GTPBP8: variants seen among roughly 807,000 people sequenced by gnomAD.
GTPBP8 encodes the protein GTP-binding protein 8.
In GTPBP8, 21 loss-of-function variants were observed where a neutral mutation model predicts 27.3. The ratio of observed to expected loss-of-function variants is 0.77; its 90% confidence interval spans 0.55 to 1.11. The LOEUF (loss-of-function observed/expected upper bound fraction) is 1.11. Among genes scored for constraint, GTPBP8 ranks in the 50% least tolerant of loss-of-function variants. The probability of loss-of-function intolerance (pLI) is 0.00; values close to 1 mark genes in which losing one functional copy is unlikely to be tolerated. For missense variants in GTPBP8, 380 were observed against 350.8 expected (o/e 1.08, Z -0.67); for synonymous variants, 147 against 135.3 (o/e 1.09, Z -0.60).
At chr3:112,991,877 G>T in intron 1 of GTPBP8, 1 of 242,024 alleles carries the variant, frequency 4.1e-6, no homozygotes, top group Non-Finnish European at 8.3e-6. Context: ...ATCTCTAGAT[G>T]GCAATAATGT....
At chr3:112,999,050 C>CA (rs1258124089) in intron 4 of GTPBP8, among the ~76,000 whole-genome samples, 2 of 151,924 alleles carry the variant, frequency 1.3e-5, no homozygotes, top group Non-Finnish European at 2.9e-5. Context: ...GAGTATAGGT[C>CA]AAAAAATGAT....
In GTPBP8 at chr3:112,991,011, C is replaced by A. The variant is rs200050697; in HGVS notation, c.12C>A (p.Pro4=). The A allele has an allele frequency of 6.9e-5, 110 of 1,593,158 alleles. No homozygotes were observed. The highest frequency in any genetic ancestry group is 9.4e-5 in the Non-Finnish European group (110 of 1,166,406). MAA[P]GLRLGAGRLF... ...TCTGGGAAGGGAGAATGGCGGCGCC[C>A]GGGCTGCGGCTGGGAGCGGGAAGAC... The change falls in exon 1 of 6, where the codon CCC becomes CCA. Residue 4 remains proline (P), a synonymous_variant. Transcript: ENST00000383678.
intron 2 of GTPBP8, 23 bp downstream of exon 2, chr3:112,993,147 GT>G (rs1308824774): frequency 8.6e-7 from 1 of 1,159,544 alleles, no homozygotes; most frequent in African/African-American, 1.5e-5. Flanking sequence ...TTTTAAATAT[GT>G]TTGGACTATC....
At chr3:112,996,871 T>A (rs1933796504) in intron 3 of GTPBP8, 21 bp from the exon 4 acceptor site, 1 of 1,100,722 alleles carries the variant, frequency 9.1e-7, no homozygotes, top group East Asian at 2.4e-5. Flanking sequence ...GCCATTAATC[T>A]TCTTTTCTAC....
At chr3:112,995,322 T>G in intron 3 of GTPBP8, 57 bp downstream of exon 3, 1 of 1,199,574 alleles carries the variant, frequency 8.3e-7, no homozygotes, top group East Asian at 2.3e-5. Flanking sequence ...CATGTTTTCA[T>G]CAGTAGAGTA....
intron 2 of GTPBP8, among the ~76,000 whole-genome samples, chr3:112,993,414 A>T (rs528610131): frequency 6.6e-6 from 1 of 152,098 alleles, no homozygotes; most frequent in African/African-American, 2.4e-5. Context: ...ATTTCCTCCT[A>T]TAACAGTGAT....
intron 5 of GTPBP8, among the ~76,000 whole-genome samples, chr3:113,000,154 C>T (rs778985019): frequency 6.6e-6 from 1 of 151,940 alleles, no homozygotes; most frequent in Non-Finnish European, 1.5e-5. Flanking sequence ...TTTGGGAGGC[C>T]GAGGTGGGCA....
At chr3:113,000,663 A>G (rs1190321649) in intron 5 of GTPBP8, among the ~76,000 whole-genome samples, 187 bp from the exon 6 acceptor site, 1 of 152,230 alleles carries the variant, frequency 6.6e-6, no homozygotes, top group African/African-American at 2.4e-5. Context: ...GGATCAGATA[A>G]TATTGATCAT....
chr3:112,991,297 G>C lies in GTPBP8; in HGVS notation c.298G>C (p.Val100Leu), dbSNP rs565662521. ...RNRIDYVSSA[V>L]RIDHAPDLPR... ...CCGCATCGACTACGTCAGCTCCGCC[G>C]TCCGTATCGACCACGCCCCGGACCT... Residue 100 changes from valine (V) to leucine (L), a missense_variant, in exon 1 of 6, where the codon GTC (valine) becomes CTC (leucine). Val to Leu is a conservative substitution (Grantham distance 32). Coordinates refer to ENST00000383678, the MANE Select transcript of GTPBP8 (RefSeq NM_014170.4). 6.2e-7 allele frequency: 1 copy of C among 1,613,718 alleles called. No individual in the cohort carries two copies. Among genetic ancestry groups the C allele is most frequent in the East Asian group, 2.2e-5 (1 of 44,880 alleles).
Position 112,991,237 on chromosome 3 carries a change from A to G in GTPBP8, c.238A>G (p.Arg80Gly), listed in dbSNP as rs779538932. ...IFDPSPEDIA[R>G]ADNIFTATER... ...TGACCCAAGCCCGGAGGACATAGCCAGGGCGGACAACATCTTCACGGCCAC... is the reference window on the plus strand; with the variant it reads ...TGACCCAAGCCCGGAGGACATAGCCGGGGCGGACAACATCTTCACGGCCAC... The change falls in exon 1 of 6, where the codon AGG (arginine) becomes GGG (glycine). Residue 80 changes from arginine (R) to glycine (G), a missense_variant. Arg to Gly is a moderately radical substitution (Grantham distance 125). Transcript: ENST00000383678. 19 of 1,614,130 alleles carry G rather than the reference A, an allele frequency of 1.2e-5. No homozygotes were observed. The highest frequency in any genetic ancestry group is 1.4e-5 in the Non-Finnish European group (16 of 1,180,020).
In GTPBP8 at chr3:113,000,837, T is replaced by C. The variant is rs753244041; in HGVS notation, c.786-13T>C. 7.2e-6 allele frequency: 11 copies of C among 1,536,218 alleles called. No individual in the cohort carries two copies. The Admixed American group carries it at 1.8e-4, about 25-fold the overall frequency. ...AGGAAAGGAAGAAAATTATTTCTCTTTTCTTTTCACAGTGCTGTGACCTTT... is the reference window on the plus strand; with the variant it reads ...AGGAAAGGAAGAAAATTATTTCTCTCTTCTTTTCACAGTGCTGTGACCTTT... On this transcript the variant is annotated splice_polypyrimidine_tract_variant and intron_variant, in intron 5 of 5. Transcript: ENST00000383678.
Position 113,000,833 on chromosome 3 carries a change from C to G in GTPBP8, c.786-17C>G, listed in dbSNP as rs1933889274. The G allele has an allele frequency of 2.0e-6, 3 of 1,499,064 alleles. No homozygotes were observed. In the Middle Eastern group the frequency reaches 5.3e-4, roughly 263 times the overall value. The allele number at this position is 1,499,064 out of a possible 1,614,324, so 92.9% of individuals were successfully genotyped here. A position where few individuals can be genotyped will look rare whatever the true frequency, so the allele number is the denominator to read the frequency against. On this transcript the variant is annotated splice_polypyrimidine_tract_variant and intron_variant, in intron 5 of 5. Transcript: ENST00000383678. ...TCTGAGGAAAGGAAGAAAATTATTT[C>G]TCTTTTCTTTTCACAGTGCTGTGAC...
At chr3:112,994,750 TC>T (rs1933752059) in intron 2 of GTPBP8, among the ~76,000 whole-genome samples, 1 of 152,214 alleles carries the variant, frequency 6.6e-6, no homozygotes, top group South Asian at 2.1e-4. Flanking sequence ...ATAATTAGTT[TC>T]TCTTTAAAGT....
chr3:112,991,865 TAATCTC>T (rs2107364654), intron 1 of GTPBP8: 1 of 254,556 alleles, frequency 3.9e-6, no homozygotes, highest in African/African-American at 2.3e-5. Flanking sequence ...GCAAAAATAA[TAATCTC>T]TAGATGGCAA....
chr3:112,995,831 T>G (rs1933775188), intron 3 of GTPBP8, among the ~76,000 whole-genome samples: 1 of 152,170 alleles, frequency 6.6e-6, no homozygotes. Flanking sequence ...CCACCGCACC[T>G]GGCCCATTAA....
chr3:112,997,269 T>G (rs752264072), intron 4 of GTPBP8, among the ~76,000 whole-genome samples: 13 of 152,238 alleles, frequency 8.5e-5, no homozygotes, highest in Non-Finnish European at 1.8e-4. Flanking sequence ...CTGTTCATAT[T>G]TTTTTCTTTT....
chr3:112,995,433 A>G (rs1014728612), intron 3 of GTPBP8, among the ~76,000 whole-genome samples, 168 bp downstream of exon 3: 1 of 152,172 alleles, frequency 6.6e-6, no homozygotes, highest in African/African-American at 2.4e-5. Context: ...GGACCAAGGT[A>G]TATACTGCTT....
At chr3:112,998,635 T>C (rs1174999625) in intron 4 of GTPBP8, among the ~76,000 whole-genome samples, 1 of 152,046 alleles carries the variant, frequency 6.6e-6, no homozygotes, top group Non-Finnish European at 1.5e-5. Flanking sequence ...TTACAAGTCT[T>C]GTCTTGGAGC....
At position 112,991,263 on chromosome 3, in the gene GTPBP8, T is replaced by G. The variant is rs772220827; in HGVS notation, c.264T>G (p.Thr88=). ...GGGCGGACAACATCTTCACGGCCAC[T>G]GAACGGAACCGCATCGACTACGTCA... ...IARADNIFTA[T]ERNRIDYVSS... Residue 88 remains threonine (T), a synonymous_variant, in exon 1 of 6, where the codon ACT becomes ACG. Coordinates refer to ENST00000383678, the MANE Select transcript of GTPBP8 (RefSeq NM_014170.4). 5.0e-6 allele frequency: 8 copies of G among 1,613,810 alleles called. No individual in the cohort carries two copies. The highest frequency in any genetic ancestry group is 3.3e-5 in the Admixed American group (2 of 60,010).
Sources: allele counts gnomAD v4.1 joint callset (sites outside exome capture counted in the v4.1 genomes callset), GRCh38; gene constraint gnomAD v4.1.1; transcripts MANE v1.5; gene names NCBI Gene and HGNC (gene_info 2026-07-23, HGNC 2026-07-21).